CPEB3: variants seen among roughly 807,000 people sequenced by gnomAD.
CPEB3 encodes cytoplasmic polyadenylation element-binding protein 3.
In CPEB3, 20 loss-of-function variants were observed where a neutral mutation model predicts 67.2. The ratio of observed to expected loss-of-function variants is 0.30; its 90% CI spans 0.21 to 0.43. CPEB3 has a LOEUF of 0.43. CPEB3 is among the 20% of genes least tolerant of loss of function. CPEB3 has a pLI of 1.00. For synonymous variants in CPEB3, 376 were observed against 393.1 expected, an observed-to-expected ratio of 0.96 and a Z score of 0.51; for missense variants, 746 against 968.6, an observed-to-expected ratio of 0.77 and a Z score of 3.05.
At chr10:92,246,722 A>T (rs1173344103) in intron 1 of CPEB3, among the ~76,000 whole-genome samples, 1 of 151,950 alleles carries the variant, frequency 6.6e-6, no homozygotes, top group South Asian at 2.1e-4. Context: ...GTCAGCCAGG[A>T]GTGTCTTGAT....
chr10:92,283,179 T>C (rs539414548), intron 1 of CPEB3, among the ~76,000 whole-genome samples: 43 of 152,014 alleles, frequency 2.8e-4, no homozygotes, highest in Non-Finnish European at 5.7e-4. Flanking sequence ...CTGAGCCCGG[T>C]AGGCAAGGCC....
chr10:92,286,979 T>C (rs1473652183), intron 1 of CPEB3, among the ~76,000 whole-genome samples: 1 of 152,218 alleles, frequency 6.6e-6, no homozygotes, highest in Non-Finnish European at 1.5e-5. Context: ...GAACTCTACA[T>C]CATCAAGCTT....
At chr10:92,262,232 T>C (rs992411962) in intron 1 of CPEB3, among the ~76,000 whole-genome samples, 6 of 152,186 alleles carry the variant, frequency 3.9e-5, no homozygotes, top group African/African-American at 1.4e-4. Context: ...TAACAGGGTA[T>C]CAACATTATA....
At chr10:92,287,677 T>C (rs1474350366) in intron 1 of CPEB3, among the ~76,000 whole-genome samples, 4 of 152,214 alleles carry the variant, frequency 2.6e-5, no homozygotes, top group African/African-American at 9.6e-5. Flanking sequence ...TGAGATGTAA[T>C]TTATGTAACA....
At chr10:92,070,586 G>A (rs2133125593) in intron 9 of CPEB3, among the ~76,000 whole-genome samples, 1 of 152,068 alleles carries the variant, frequency 6.6e-6, no homozygotes, top group Admixed American at 6.6e-5. Flanking sequence ...AGGACAGCCT[G>A]GTCAACATGG....
chr10:92,285,119 A>G (rs1842466624), intron 1 of CPEB3, among the ~76,000 whole-genome samples: 1 of 152,208 alleles, frequency 6.6e-6, no homozygotes, highest in Admixed American at 6.5e-5. Flanking sequence ...GACCAAACTC[A>G]CTTTTATAAC....
intron 4 of CPEB3, among the ~76,000 whole-genome samples, chr10:92,175,402 G>A (rs758577272): frequency 7.3e-5 from 11 of 151,644 alleles, no homozygotes; most frequent in Admixed American, 1.3e-4. Context: ...TTGAATATTC[G>A]CACATATGTC....
intron 1 of CPEB3, among the ~76,000 whole-genome samples, chr10:92,280,753 CTT>C (rs948586177): frequency 3.3e-5 from 3 of 91,672 alleles, no homozygotes; most frequent in Middle Eastern, 6.3e-3. Context: ...AGCATCTATT[CTT>C]TTTTTTTTTT....
intron 1 of CPEB3, among the ~76,000 whole-genome samples, chr10:92,267,537 T>C (rs1388901930): frequency 6.6e-6 from 1 of 152,210 alleles, no homozygotes; most frequent in Non-Finnish European, 1.5e-5. Flanking sequence ...TGGAGAGTTG[T>C]AAGCAGAGCT....
chr10:92,142,220 G>A (rs988847248), intron 6 of CPEB3, among the ~76,000 whole-genome samples: 1 of 152,092 alleles, frequency 6.6e-6, no homozygotes, highest in African/African-American at 2.4e-5. Flanking sequence ...TGAGGCACAG[G>A]AAGGACAAGT....
At chr10:92,285,633 C>T (rs953054821) in intron 1 of CPEB3, among the ~76,000 whole-genome samples, 2 of 152,214 alleles carry the variant, frequency 1.3e-5, no homozygotes, top group African/African-American at 2.4e-5. Flanking sequence ...ACCAGCCCTT[C>T]ATATTTTCCG....
At chr10:92,186,083 T>C (rs1848674974) in intron 3 of CPEB3, among the ~76,000 whole-genome samples, 1 of 151,798 alleles carries the variant, frequency 6.6e-6, no homozygotes, top group African/African-American at 2.4e-5. Context: ...TAAATCACAA[T>C]TCCCAGCCTG....
intron 1 of CPEB3, among the ~76,000 whole-genome samples, chr10:92,244,801 T>A (rs1434906388): frequency 2.6e-5 from 4 of 152,252 alleles, no homozygotes. Flanking sequence ...ATTCCAAGGC[T>A]GGAATCTCAC....
At chr10:92,158,131 A>C (rs936264193) in intron 4 of CPEB3, among the ~76,000 whole-genome samples, 4 of 152,164 alleles carry the variant, frequency 2.6e-5, no homozygotes, top group African/African-American at 9.6e-5. Context: ...GAATTTAGAA[A>C]TGAAAAAAAA....
chr10:92,244,129 C>G (rs1175741451), intron 1 of CPEB3, among the ~76,000 whole-genome samples: 1 of 152,018 alleles, frequency 6.6e-6, no homozygotes, highest in Non-Finnish European at 1.5e-5. Context: ...GGCAGATCAC[C>G]TGAGGTCAGG....
At chr10:92,061,147 G>A (rs1842327520) in intron 9 of CPEB3, among the ~76,000 whole-genome samples, 2 of 152,098 alleles carry the variant, frequency 1.3e-5, no homozygotes, top group African/African-American at 2.4e-5. Context: ...GGCCGAGTAC[G>A]ATGGCTCATA....
At chr10:92,155,433 CA>C (rs1003346957) in intron 4 of CPEB3, among the ~76,000 whole-genome samples, 3 of 152,154 alleles carry the variant, frequency 2.0e-5, no homozygotes, top group African/African-American at 7.2e-5. Flanking sequence ...GCCAATTCAT[CA>C]GAAGTATACT....
chr10:92,184,429 C>T (rs1000106542), intron 3 of CPEB3, among the ~76,000 whole-genome samples: 1 of 152,048 alleles, frequency 6.6e-6, no homozygotes, highest in African/African-American at 2.4e-5. Flanking sequence ...GTGGTGAAAC[C>T]CCATCTCTAC....
chr10:92,126,848 A>C (rs1486094997), intron 6 of CPEB3, among the ~76,000 whole-genome samples: 3 of 152,198 alleles, frequency 2.0e-5, no homozygotes, highest in Non-Finnish European at 2.9e-5. Flanking sequence ...CTCAGTTTAA[A>C]ATAAAGGTTG....
Sources: gnomAD v4.1 joint callset for allele counts (sites outside exome capture counted in the v4.1 genomes callset) on GRCh38, gnomAD v4.1.1 for gene constraint, MANE v1.5 for transcripts, NCBI Gene and HGNC (gene_info 2026-07-23, HGNC 2026-07-21) for gene names.